MAST4: variants seen among roughly 807,000 people sequenced by gnomAD.
MAST4 encodes the protein microtubule associated serine/threonine kinase family member 4.
MAST4 carries 89 observed loss-of-function variants against 162.7 expected under a neutral mutation model. That is an observed-to-expected ratio of 0.55 (90% CI 0.46 to 0.65). The LOEUF is 0.65. Ranked by LOEUF, MAST4 falls within the 30% of genes least tolerant of loss-of-function variation. MAST4 has a pLI of 0.00. For missense variants in MAST4, 3,153 were observed against 3,374.0 expected, an observed-to-expected ratio of 0.93 and a Z score of 1.62; for synonymous variants, 1,479 against 1,361.1, an observed-to-expected ratio of 1.09 and a Z score of -1.91.
At chr5:66,743,020 T>A (rs1338459097) in intron 1 of MAST4, among the ~76,000 whole-genome samples, 1 of 152,206 alleles carries the variant, frequency 6.6e-6, no homozygotes, top group Non-Finnish European at 1.5e-5. Context: ...CTTCAGGGCC[T>A]TGATGCTTGC....
intron 1 of MAST4, among the ~76,000 whole-genome samples, chr5:66,605,133 G>T (rs1243211638): frequency 6.6e-6 from 1 of 152,132 alleles, no homozygotes; most frequent in Non-Finnish European, 1.5e-5. Flanking sequence ...CACAAAATTT[G>T]CTTTTTACTC....
intron 3 of MAST4, among the ~76,000 whole-genome samples, chr5:66,811,194 C>T (rs528607551): frequency 1.5e-3 from 226 of 152,334 alleles, no homozygotes; most frequent in African/African-American, 5.1e-3. Context: ...CAGTAACGCT[C>T]TGCTGCCTCT....
intron 2 of MAST4, among the ~76,000 whole-genome samples, chr5:66,773,534 T>C (rs1422793482): frequency 6.6e-6 from 1 of 152,230 alleles, no homozygotes; most frequent in Admixed American, 6.5e-5. Context: ...GGGGGAATCA[T>C]GTCATGGTTT....
intron 1 of MAST4, among the ~76,000 whole-genome samples, chr5:66,684,507 G>T (rs1580189046): frequency 6.6e-6 from 1 of 152,278 alleles, no homozygotes; most frequent in East Asian, 1.9e-4. Context: ...AATTGCTCTG[G>T]AAGGAGTCTG....
chr5:66,822,122 G>A (rs944407708), intron 3 of MAST4, among the ~76,000 whole-genome samples: 2 of 152,130 alleles, frequency 1.3e-5, no homozygotes, highest in African/African-American at 4.8e-5. Flanking sequence ...CCGGCCTGCC[G>A]AGTTTCTCTT....
rs201236388 is a variant in MAST4 at position 66,596,695 on chromosome 5, C to T, written c.40C>T (p.Arg14Cys). ...TTCGGAGGCGCCAGAGCCGGTGCCC[C>T]GCGGCTGCAGTGGCCACGGCAGCCG... ...KVSEAPEPVPRGCSGHGSRTP... is the reference protein window; with the variant it reads ...KVSEAPEPVPCGCSGHGSRTP... The change falls in exon 1 of 29, where the codon CGC becomes TGC. Residue 14 changes from arginine (R) to cysteine (C), a missense_variant. Physicochemically the swap from Arg to Cys is radical, Grantham distance 180 (BLOSUM62 -3). This residue lies in a region of MAST4 where 327 missense variants were observed against 336.5 expected (regional missense o/e 0.97). Coordinates refer to ENST00000403625, the MANE Select transcript of MAST4 (RefSeq NM_001164664.2). The T allele has an allele frequency of 8.2e-6, 12 of 1,471,484 alleles. No individual in the cohort carries two copies. The Admixed American group carries it at 2.6e-4, about 32-fold the overall frequency. 91.2% of individuals were successfully genotyped at this position (1,471,484 alleles called of 1,614,324 possible).
chr5:66,788,595 C>G, intron 2 of MAST4, 75 bp from the exon 3 acceptor site: 1 of 1,030,238 alleles, frequency 9.7e-7, no homozygotes, highest in Admixed American at 2.3e-5. Context: ...AGAGACACCC[C>G]ACCCCCACCC....
chr5:66,953,120 G>A (rs572091409), intron 4 of MAST4, among the ~76,000 whole-genome samples: 1 of 152,280 alleles, frequency 6.6e-6, no homozygotes, highest in East Asian at 1.9e-4. Flanking sequence ...AGTGGTTAGA[G>A]AGCACATACA....
chr5:66,781,769 T>C (rs2149661652), intron 2 of MAST4, among the ~76,000 whole-genome samples: 1 of 152,280 alleles, frequency 6.6e-6, no homozygotes, highest in Non-Finnish European at 1.5e-5. Flanking sequence ...CACCCAAAAT[T>C]TAAGACTATG....
intron 2 of MAST4, among the ~76,000 whole-genome samples, chr5:66,771,017 G>T (rs753444578): frequency 6.6e-6 from 1 of 152,128 alleles, no homozygotes; most frequent in African/African-American, 2.4e-5. Context: ...TGCAAAATAT[G>T]TTGGCTATCT....
chr5:66,826,925 A>G (rs1757291349), intron 3 of MAST4, among the ~76,000 whole-genome samples: 1 of 152,174 alleles, frequency 6.6e-6, no homozygotes, highest in Admixed American at 6.5e-5. Context: ...CTCCTCTCTC[A>G]GGAGGGTGAC....
At chr5:66,636,060 C>T (rs376206258) in intron 1 of MAST4, among the ~76,000 whole-genome samples, 2 of 139,474 alleles carry the variant, frequency 1.4e-5, no homozygotes, top group African/African-American at 2.6e-5. Flanking sequence ...TGGGTTCAAG[C>T]GATTCTTCTG....
intron 1 of MAST4, among the ~76,000 whole-genome samples, chr5:66,675,953 A>T (rs1747918803): frequency 6.6e-6 from 1 of 152,200 alleles, no homozygotes; most frequent in African/African-American, 2.4e-5. Flanking sequence ...AAAAACTCCT[A>T]GGGTGATCTT....
At chr5:66,991,074 G>C (rs1750021041) in intron 4 of MAST4, among the ~76,000 whole-genome samples, 1 of 152,194 alleles carries the variant, frequency 6.6e-6, no homozygotes, top group Non-Finnish European at 1.5e-5. Context: ...TCAGTGGTTT[G>C]AGAGAAGGGA....
At chr5:66,636,246 G>A (rs1745115473) in intron 1 of MAST4, among the ~76,000 whole-genome samples, 2 of 152,134 alleles carry the variant, frequency 1.3e-5, no homozygotes, top group African/African-American at 2.4e-5. Context: ...GTGAGCCACC[G>A]TGCCTGGCCA....
chr5:67,162,068 C>T (rs997251155), intron 27 of MAST4, among the ~76,000 whole-genome samples: 3 of 152,240 alleles, frequency 2.0e-5, no homozygotes, highest in South Asian at 4.2e-4. Flanking sequence ...TCACCTTTCT[C>T]GGTTTTTTCT....
rs1266185405 is a variant in MAST4 at position 67,131,508 on chromosome 5, A to G, written c.1955-305A>G. Among the ~76,000 whole-genome samples the G allele has an allele frequency of 4.2e-4, 64 of 151,986 alleles. 1 individual carries two copies. The highest frequency in any genetic ancestry group is 4.2e-3 in the Admixed American group (64 of 15,250). ...AGCCTGATTCTAGAATCCATGTTTTATGCTGGTGTATTTTAAATTGTTACC... is the reference window on the plus strand; with the variant it reads ...AGCCTGATTCTAGAATCCATGTTTTGTGCTGGTGTATTTTAAATTGTTACC... On this transcript the variant is annotated intron_variant, in intron 15 of 28. Transcript: ENST00000403625.
In MAST4 at chr5:66,907,158, C is replaced by CAA. The variant is rs1554066737; in HGVS notation, c.674+7176_674+7177insAA. Among the ~76,000 whole-genome samples the CAA allele has an allele frequency of 1.5e-3, 153 of 104,348 alleles. 2 individuals are homozygous for CAA. The highest frequency in any genetic ancestry group is 0.014 in the South Asian group (37 of 2,688). The allele number at this position is 104,348 out of a possible 152,430, so 68.5% of individuals were successfully genotyped here. A position where few individuals can be genotyped will look rare whatever the true frequency, so the allele number is the denominator to read the frequency against. Reference sequence around the variant, plus strand: ...AAAGGAAAAATAACTCTCAGCAAAGCGAGAGAGAGAGAGAGAGAGAGAGAG... The same window carrying CAA: ...AAAGGAAAAATAACTCTCAGCAAAGCAAGAGAGAGAGAGAGAGAGAGAGAGAG... On this transcript the variant is annotated intron_variant, in intron 4 of 28. Coordinates refer to ENST00000403625, the MANE Select transcript of MAST4 (RefSeq NM_001164664.2).
At chr5:66,782,289 CA>C (rs573328157) in intron 2 of MAST4, among the ~76,000 whole-genome samples, 1,602 of 92,672 alleles carry the variant, frequency 0.017, 24 homozygotes, top group African/African-American at 0.068. Flanking sequence ...GACTTCGTCT[CA>C]AAAAAAAAAA....
Sources: allele counts gnomAD v4.1 joint callset (sites outside exome capture counted in the v4.1 genomes callset), GRCh38; gene constraint gnomAD v4.1.1; regional missense constraint gnomAD v4.1.1; transcripts MANE v1.5; gene names NCBI Gene and HGNC (gene_info 2026-07-23, HGNC 2026-07-21).